Variants in BICRA observed in about 807,000 individuals in gnomAD.
BICRA encodes BRD4-interacting chromatin-remodeling complex-associated protein.
A neutral mutation model predicts 96.9 loss-of-function variants in BICRA; 31 were observed. That is an observed-to-expected ratio of 0.32 (90% CI 0.24 to 0.43). BICRA has a LOEUF of 0.43. Ranked by LOEUF, BICRA falls within the 20% of genes least tolerant of loss-of-function variation. The pLI is 1.00. For synonymous variants in BICRA, 1,350 were observed against 1,071.8 expected (o/e 1.26, Z -5.07); for missense variants, 2,283 against 2,190.3 (o/e 1.04, Z -0.84).
At chr19:47,636,027 A>T (rs933102870) in intron 1 of BICRA, among the ~76,000 whole-genome samples, 2 of 152,234 alleles carry the variant, frequency 1.3e-5, no homozygotes, top group Non-Finnish European at 2.9e-5. Context: ...AAATTATTTT[A>T]TAACATTACC....
intron 1 of BICRA, among the ~76,000 whole-genome samples, chr19:47,609,376 CTTTTTT>C (rs774981061): frequency 1.8e-4 from 5 of 27,612 alleles, no homozygotes; most frequent in African/African-American, 5.1e-4. Context: ...CCGCTGCCTC[CTTTTTT>C]TTTTTTTTTT....
At chr19:47,673,138 A>G (rs760045222) in intron 2 of BICRA, among the ~76,000 whole-genome samples, 1 of 152,154 alleles carries the variant, frequency 6.6e-6, no homozygotes, top group African/African-American at 2.4e-5. Context: ...AGCAGGGCTC[A>G]GGAGCCAGGC....
chr19:47,672,549 T>C (rs1972882938), intron 2 of BICRA, among the ~76,000 whole-genome samples: 1 of 149,474 alleles, frequency 6.7e-6, no homozygotes, highest in African/African-American at 2.5e-5. Flanking sequence ...GGTTGGATGT[T>C]TGGAGAAATG....
At chr19:47,656,787 C>T (rs1019108146) in intron 1 of BICRA, among the ~76,000 whole-genome samples, 1 of 152,178 alleles carries the variant, frequency 6.6e-6, no homozygotes, top group Non-Finnish European at 1.5e-5. Flanking sequence ...CCAGTCATTC[C>T]TGCATCCCTC....
intron 1 of BICRA, among the ~76,000 whole-genome samples, chr19:47,613,760 G>A (rs995954433): frequency 2.6e-5 from 4 of 151,840 alleles, no homozygotes; most frequent in African/African-American, 4.9e-5. Context: ...TCCGTCCCTC[G>A]CATTCTCCTC....
At chr19:47,620,683 A>AC (rs1555784144) in intron 1 of BICRA, among the ~76,000 whole-genome samples, 4 of 150,882 alleles carry the variant, frequency 2.7e-5, no homozygotes, top group Admixed American at 2.0e-4. Context: ...AAAAAAAAAA[A>AC]AAAAAACAAG....
rs1973481099 is a variant in BICRA, at chr19:47,702,470, G to A, written c.*55G>A. ...TCCTCCCGAAGACGCCGGGACAGTC[G>A]GGTGTCCGCCCTCAGCCTCCTGGGG... On this transcript the variant is annotated 3_prime_UTR_variant, in exon 15 of 15. Coordinates refer to ENST00000594866, the MANE Select transcript of BICRA (RefSeq NM_001394372.1). 8.5e-6 allele frequency: 12 copies of A among 1,411,746 alleles called. No individual in the cohort carries two copies. Among genetic ancestry groups the A allele is most frequent in the Non-Finnish European group, 1.1e-5 (12 of 1,092,980 alleles). 87.5% of individuals were successfully genotyped at this position (1,411,746 alleles called of 1,614,324 possible).
rs1401035422 is a variant in BICRA at position 47,681,007 on chromosome 19, G to T, written c.1837G>T (p.Gly613Trp). 2 of 1,452,798 alleles carry T rather than the reference G, an allele frequency of 1.4e-6. No individual in the cohort carries two copies. Among genetic ancestry groups the T allele is most frequent in the Non-Finnish European group, 1.8e-6 (2 of 1,112,282 alleles). 90.0% of individuals were successfully genotyped at this position (1,452,798 alleles called of 1,614,324 possible). The change falls in exon 6 of 15, where the codon GGG becomes TGG. Residue 613 changes from glycine to tryptophan, a missense_variant. By Grantham distance (184) the Gly-to-Trp change is radical. Transcript: ENST00000594866. ...GCCGGCCACCCCTGCCGCTGCCACC[G>T]GGGAGGCCGCGCCTGTCCTCACGGT... ...VQPATPAAAT[G>W]EAAPVLTVQP...
intron 1 of BICRA, among the ~76,000 whole-genome samples, chr19:47,610,165 G>A (rs1971879790): frequency 6.6e-6 from 1 of 152,344 alleles, no homozygotes; most frequent in Admixed American, 6.5e-5. Flanking sequence ...CCTGCGGAGG[G>A]CAGCCAGGCC....
chr19:47,698,883 C>A lies in BICRA; in HGVS notation c.3398-82C>A. On this transcript the variant is annotated intron_variant, in intron 12 of 14. Transcript: ENST00000594866. This position sits in a 1 kb window ranked among gnomAD's most constrained non-coding sequence, Gnocchi z 4.8. ...AGCCGCAGGTCCACGGTGCGCTATG[C>A]TGACCCTGCCCCGCCCTCCTTCCTG... is the stretch of plus-strand genomic sequence containing the variant. 1.5e-6 allele frequency: 2 copies of A among 1,356,378 alleles called. No homozygotes were observed. The highest frequency in any genetic ancestry group is 2.1e-6 in the Non-Finnish European group (2 of 969,688). The allele number at this position is 1,356,378 out of a possible 1,614,324, so 84.0% of individuals were successfully genotyped here. A position where few individuals can be genotyped will look rare whatever the true frequency, so the allele number is the denominator to read the frequency against.
intron 1 of BICRA, among the ~76,000 whole-genome samples, chr19:47,637,319 C>T (rs1441145788): frequency 1.3e-5 from 2 of 151,936 alleles, no homozygotes; most frequent in African/African-American, 2.4e-5. Flanking sequence ...CAGGGTTTCA[C>T]CATGTTAGCC....
intron 1 of BICRA, among the ~76,000 whole-genome samples, chr19:47,618,273 G>T (rs1972013402): frequency 6.6e-6 from 1 of 152,198 alleles, no homozygotes; most frequent in African/African-American, 2.4e-5. Flanking sequence ...AACTGGGTCA[G>T]CTGTGTGGGT....
Position 47,698,601 on chromosome 19 carries a change from GCCGT to G in BICRA, c.3249-32_3249-29del. On this transcript the variant is annotated intron_variant, in intron 11 of 14. Coordinates refer to ENST00000594866, the MANE Select transcript of BICRA (RefSeq NM_001394372.1). The surrounding 1 kb of genome is among the most constrained non-coding windows in gnomAD (Gnocchi z 4.8). ...CCCTCACCCGTCCCCCCCACCCTCC[GCCGT>G]GTGTGGTCTCTCCCCTTTCCACCCG... 2.1e-5 allele frequency: 10 copies of G among 472,802 alleles called. No homozygotes were observed. The highest frequency in any genetic ancestry group is 2.9e-5 in the Non-Finnish European group (7 of 240,400). The allele number at this position is 472,802 out of a possible 1,614,324, so 29.3% of individuals were successfully genotyped here. A position where few individuals can be genotyped will look rare whatever the true frequency, so the allele number is the denominator to read the frequency against.
chr19:47,651,993 C>G lies in BICRA; in HGVS notation c.-107-18450C>G, dbSNP rs73943838. Among the ~76,000 whole-genome samples the G allele has an allele frequency of 7.1e-3, 1,084 of 152,316 alleles. 21 individuals are homozygous for G. Among genetic ancestry groups the G allele is most frequent in the African/African-American group, 0.024 (1,011 of 41,558 alleles). On this transcript the variant is annotated intron_variant, in intron 1 of 14. Transcript: ENST00000594866. ...CCAGGTCAGCATCTGAAGGTGTTTG[C>G]TGTAAGACCCAGGCCTGTGACTCTG...
At chr19:47,627,244 G>A (rs890746452) in intron 1 of BICRA, among the ~76,000 whole-genome samples, 6 of 152,234 alleles carry the variant, frequency 3.9e-5, no homozygotes, top group Non-Finnish European at 7.3e-5. Context: ...ATGTTCCTGA[G>A]CTAGAGACAT....
At chr19:47,638,314 C>T (rs560744129) in intron 1 of BICRA, among the ~76,000 whole-genome samples, 3 of 152,260 alleles carry the variant, frequency 2.0e-5, no homozygotes, top group South Asian at 2.1e-4. Context: ...CTTCAGCTCC[C>T]GGGAAGGCAT....
At chr19:47,619,827 C>T (rs1972039178) in intron 1 of BICRA, among the ~76,000 whole-genome samples, 1 of 152,174 alleles carries the variant, frequency 6.6e-6, no homozygotes, top group African/African-American at 2.4e-5. Context: ...GTCCAGGAGG[C>T]TGAGGCTGCA....
rs755556814 is a variant in BICRA, at chr19:47,679,853, C to T, written c.683C>T (p.Ala228Val). Residue 228 changes from alanine (A) to valine (V), a missense_variant, in exon 6 of 15, where the codon GCC becomes GTC. Coordinates refer to ENST00000594866, the MANE Select transcript of BICRA (RefSeq NM_001394372.1). Reference sequence around the variant, plus strand: ...GGCAGCCCTGGGGGTGCCACGGCGGCCACACTGGGCCTGGCGCCCATCCAG... The same window carrying T: ...GGCAGCCCTGGGGGTGCCACGGCGGTCACACTGGGCCTGGCGCCCATCCAG... ...PNGSPGGATA[A>V]TLGLAPIQVV... 1.3e-6 allele frequency: 2 copies of T among 1,495,798 alleles called. No individual in the cohort carries two copies. The highest frequency in any genetic ancestry group is 1.8e-6 in the Non-Finnish European group (2 of 1,128,304). 92.7% of individuals were successfully genotyped at this position (1,495,798 alleles called of 1,614,324 possible).
Position 47,694,205 on chromosome 19 carries a change from C to A in BICRA, c.2374C>A (p.Pro792Thr), listed in dbSNP as rs747370754. The change falls in exon 8 of 15, where the codon CCC (proline) becomes ACC (threonine). Residue 792 changes from proline (P) to threonine (T), a missense_variant. Transcript: ENST00000594866. Reference protein sequence around the residue: ...QAPLGDSPHLPSPHPTRPPSR... With the variant: ...QAPLGDSPHLTSPHPTRPPSR... ...CCCTCTGGGGGACAGCCCCCACCTG[C>A]CCTCCCCACACCCCACCCGGCCCCC... The A allele has an allele frequency of 3.4e-6, 3 of 879,394 alleles. No individual in the cohort carries two copies. The highest frequency in any genetic ancestry group is 3.3e-5 in the South Asian group (2 of 61,466). 54.5% of individuals were successfully genotyped at this position (879,394 alleles called of 1,614,324 possible).
Sources: gnomAD v4.1 joint callset for allele counts (sites outside exome capture counted in the v4.1 genomes callset) on GRCh38, gnomAD v4.1.1 for gene constraint, Gnocchi (gnomAD v3.1) non-coding constraint, MANE v1.5 for transcripts, NCBI Gene and HGNC (gene_info 2026-07-23, HGNC 2026-07-21) for gene names.